The following UBE4A variants were observed in gnomAD, a reference collection of about 807,000 sequenced individuals.
The protein encoded by UBE4A is ubiquitination factor E4A.
A neutral mutation model predicts 117.9 loss-of-function variants in UBE4A; 48 were observed. The ratio of observed to expected loss-of-function variants is 0.41; its 90% CI spans 0.32 to 0.52. The LOEUF is 0.52. Ranked by LOEUF, UBE4A falls within the 20% of genes least tolerant of loss-of-function variation. UBE4A has a pLI of 0.33. For missense variants in UBE4A, 1,067 were observed against 1,296.3 expected (o/e 0.82, Z 2.72); for synonymous variants, 407 against 450.0 (o/e 0.90, Z 1.21).
chr11:118,362,346 G>A (rs993728415), intron 1 of UBE4A, among the ~76,000 whole-genome samples: 22 of 152,120 alleles, frequency 1.4e-4, no homozygotes, highest in African/African-American at 5.3e-4. Context: ...GGCTGGTCTT[G>A]AACTCCTGAC....
chr11:118,377,633 C>T (rs1330557956), intron 10 of UBE4A, among the ~76,000 whole-genome samples: 2 of 149,128 alleles, frequency 1.3e-5, no homozygotes, highest in Non-Finnish European at 3.0e-5. Context: ...CATTACTGGC[C>T]GGGTGTGGTG....
chr11:118,395,676 A>G (rs2134117527), intron 19 of UBE4A, among the ~76,000 whole-genome samples: 1 of 152,388 alleles, frequency 6.6e-6, no homozygotes, highest in East Asian at 1.9e-4. Flanking sequence ...ACATGAATGT[A>G]TAGTGTCTCT....
intron 1 of UBE4A, among the ~76,000 whole-genome samples, 176 bp downstream of exon 1, chr11:118,359,850 C>T (rs540809191): frequency 3.9e-5 from 6 of 152,286 alleles, no homozygotes; most frequent in Non-Finnish European, 8.8e-5. Flanking sequence ...TGATTTGGAA[C>T]CCCTTACAGT....
Position 118,372,553 on chromosome 11 carries a change from G to A in UBE4A, c.608G>A (p.Arg203Lys). Residue 203 changes from arginine to lysine, a missense_variant, in exon 6 of 20, where the codon AGA becomes AAA. This residue lies in a region of UBE4A where 1,001 missense variants were observed against 1,184.0 expected (regional missense o/e 0.85). Coordinates refer to ENST00000252108, the MANE Select transcript of UBE4A (RefSeq NM_001204077.2). ...CTGCTACCCTTTGCAGTGCAGTGCA[G>A]AAACCTCACTGTGTCCAATACCCGA... ...ENLLPFAVQCRNLTVSNTRTV... is the reference protein window; with the variant it reads ...ENLLPFAVQCKNLTVSNTRTV... 1 of 1,613,990 alleles carries A rather than the reference G, an allele frequency of 6.2e-7. No individual in the cohort carries two copies. Among genetic ancestry groups the A allele is most frequent in the Non-Finnish European group, 8.5e-7 (1 of 1,180,008 alleles).
Position 118,384,679 on chromosome 11 carries a change from A to G in UBE4A, c.2242A>G (p.Met748Val), listed in dbSNP as rs1948738440. 1.2e-6 allele frequency: 2 copies of G among 1,614,122 alleles called. No individual in the cohort carries two copies. The highest frequency in any genetic ancestry group is 1.7e-6 in the Non-Finnish European group (2 of 1,180,002). The part of the protein sequence containing the change: ...FEQKFNYRRP[M>V]YPILRYMWGT... Reference sequence around the variant, plus strand: ...ACAGAAGTTTAATTACCGCCGTCCCATGTATCCTATCCTAAGATACATGTG... The same window carrying G: ...ACAGAAGTTTAATTACCGCCGTCCCGTGTATCCTATCCTAAGATACATGTG... Residue 748 changes from methionine to valine, a missense_variant, in exon 14 of 20, where the codon ATG becomes GTG. Coordinates refer to ENST00000252108, the MANE Select transcript of UBE4A (RefSeq NM_001204077.2).
At position 118,384,745 on chromosome 11, in the gene UBE4A, T is replaced by C; in HGVS notation, c.2298+10T>C. On this transcript the variant is annotated intron_variant, in intron 14 of 19. Coordinates refer to ENST00000252108, the MANE Select transcript of UBE4A (RefSeq NM_001204077.2). Reference sequence around the variant, plus strand: ...TCGGGAGAGCATTAAGGTGAGAGAGTTTTTGATGAAACCTGTTGCTTTATA... The same window carrying C: ...TCGGGAGAGCATTAAGGTGAGAGAGCTTTTGATGAAACCTGTTGCTTTATA... 6.2e-7 allele frequency: 1 copy of C among 1,611,500 alleles called. No individual in the cohort carries two copies. The highest frequency in any genetic ancestry group is 8.5e-7 in the Non-Finnish European group (1 of 1,178,650).
intron 16 of UBE4A, among the ~76,000 whole-genome samples, chr11:118,388,648 C>CAAA (rs59525448): frequency 1.7e-5 from 2 of 115,242 alleles, no homozygotes; most frequent in South Asian, 2.8e-4. Context: ...GACTCTATCT[C>CAAA]AAAAAAAAAA....
chr11:118,364,007 C>A (rs1948543397), intron 1 of UBE4A, among the ~76,000 whole-genome samples: 1 of 152,062 alleles, frequency 6.6e-6, no homozygotes, highest in Admixed American at 6.5e-5. Context: ...TTCCTTTATA[C>A]CCCTACTCCC....
intron 19 of UBE4A, among the ~76,000 whole-genome samples, chr11:118,394,785 A>AG: frequency 6.6e-6 from 1 of 152,108 alleles, no homozygotes; most frequent in Non-Finnish European, 1.5e-5. Flanking sequence ...AAAAAAAAAA[A>AG]AAATTAAGTT....
Position 118,398,142 on chromosome 11 carries a change from A to G in UBE4A, c.*1702A>G, listed in dbSNP as rs1399266635. On this transcript the variant is annotated 3_prime_UTR_variant, in exon 20 of 20. Coordinates refer to ENST00000252108, the MANE Select transcript of UBE4A (RefSeq NM_001204077.2). ...TATTTGCATTTATCTTCCAAACCCA[A>G]TCTAGTAGGATGTTCTCATTTTAAA... The G allele has an allele frequency of 2.0e-5, 3 of 152,602 alleles. No individual in the cohort carries two copies. Among genetic ancestry groups the G allele is most frequent in the Non-Finnish European group, 4.4e-5 (3 of 68,040 alleles). The allele number at this position is 152,602 out of a possible 1,614,324, so 9.5% of individuals were successfully genotyped here. A position where few individuals can be genotyped will look rare whatever the true frequency, so the allele number is the denominator to read the frequency against.
chr11:118,371,771 G>A, intron 5 of UBE4A, 105 bp downstream of exon 5: 1 of 1,265,774 alleles, frequency 7.9e-7, no homozygotes, highest in Non-Finnish European at 1.1e-6. Flanking sequence ...ATATGTCATA[G>A]TATGTCTAGA....
chr11:118,385,040 C>T (rs1555127003), intron 15 of UBE4A, 95 bp downstream of exon 15: 2 of 1,101,108 alleles, frequency 1.8e-6, no homozygotes, highest in South Asian at 1.5e-5. Flanking sequence ...ATAGAGCAGT[C>T]CTTATGCCCC....
At chr11:118,364,528 A>G (rs2134085188) in intron 1 of UBE4A, among the ~76,000 whole-genome samples, 1 of 152,220 alleles carries the variant, frequency 6.6e-6, no homozygotes, top group Non-Finnish European at 1.5e-5. Flanking sequence ...AATCTAAGAT[A>G]TGGGCTTTTA....
intron 8 of UBE4A, 64 bp downstream of exon 8, chr11:118,373,749 T>C: frequency 1.3e-6 from 2 of 1,536,952 alleles, no homozygotes; most frequent in South Asian, 2.6e-5. Context: ...AGAAAGCAGA[T>C]ACAGATAAGG....
chr11:118,377,062 A>AG lies in UBE4A; in HGVS notation c.1571+368_1571+369insG, dbSNP rs1228051325. Among the ~76,000 whole-genome samples the AG allele has an allele frequency of 4.6e-5, 7 of 152,306 alleles. No homozygotes were observed. The South Asian group carries it at 1.2e-3, about 27-fold the overall frequency. On this transcript the variant is annotated intron_variant, in intron 10 of 19. Transcript: ENST00000252108. The stretch of plus-strand genomic sequence containing the variant: ...AGTGATAACCTGTTTCTTAAAAAAA[A>AG]AAGAGAGGAAGAGTCTTACAGATAT...
intron 10 of UBE4A, among the ~76,000 whole-genome samples, chr11:118,377,030 G>A (rs547160530): frequency 2.0e-5 from 3 of 151,924 alleles, no homozygotes; most frequent in Non-Finnish European, 4.4e-5. Context: ...TCCATCCTGG[G>A]TGACAGAGTG....
rs200660409 is a variant in UBE4A, at chr11:118,379,654, C to T, written c.1780C>T (p.Leu594=). ...AAACTTGCAGGTGTCCATGGCTGTT[C>T]TACTGGTTCAACTGGCCATAGGCAA... ...CLNLQVSMAV[L]LVQLAIGNEG... The change falls in exon 11 of 20, where the codon CTA becomes TTA. Residue 594 remains leucine (L), a synonymous_variant. Coordinates refer to ENST00000252108, the MANE Select transcript of UBE4A (RefSeq NM_001204077.2). The T allele has an allele frequency of 5.5e-5, 89 of 1,614,094 alleles. No homozygotes were observed. Among genetic ancestry groups the T allele is most frequent in the Non-Finnish European group, 6.9e-5 (81 of 1,180,044 alleles).
intron 8 of UBE4A, 85 bp downstream of exon 8, chr11:118,373,770 C>T (rs1209083698): frequency 7.0e-7 from 1 of 1,437,324 alleles, no homozygotes; most frequent in Admixed American, 2.7e-5. Flanking sequence ...CTGCTCAAGC[C>T]TCTCTGGGAA....
At position 118,369,566 on chromosome 11, in the gene UBE4A, T is replaced by C. The variant is rs372086350; in HGVS notation, c.408+31T>C. 3 of 1,520,232 alleles carry C rather than the reference T, an allele frequency of 2.0e-6. No homozygotes were observed. The African/African-American group carries it at 4.1e-5, about 21-fold the overall frequency. 94.2% of individuals were successfully genotyped at this position (1,520,232 alleles called of 1,614,324 possible). ...ATTCTTACGTTCCTAATGTGTGCCCTTAGCAAAAATTAGCTATGCGGCTGA... is the reference window on the plus strand; with the variant it reads ...ATTCTTACGTTCCTAATGTGTGCCCCTAGCAAAAATTAGCTATGCGGCTGA... On this transcript the variant is annotated intron_variant, in intron 4 of 19. Transcript: ENST00000252108.
Sources: gnomAD v4.1 joint callset for allele counts (sites outside exome capture counted in the v4.1 genomes callset) on GRCh38, gnomAD v4.1.1 for gene constraint, gnomAD v4.1.1 regional missense constraint, MANE v1.5 for transcripts, NCBI Gene and HGNC (gene_info 2026-07-23, HGNC 2026-07-21) for gene names.